Variants in KIF24 observed in about 807,000 individuals in gnomAD.
The protein encoded by KIF24 is kinesin family member 24, also known as kinesin-like protein KIF24.
KIF24 carries 81 observed loss-of-function variants against 118.9 expected under a neutral mutation model. The ratio of observed to expected loss-of-function variants is 0.68; its 90% CI spans 0.57 to 0.82. The LOEUF (loss-of-function observed/expected upper bound fraction) is 0.82, where lower values mean the gene tolerates loss of function less well. Among genes scored for constraint, KIF24 ranks in the 40% least tolerant of loss-of-function variants. KIF24 has a pLI of 0.00. For synonymous variants in KIF24, 599 were observed against 610.0 expected, an observed-to-expected ratio of 0.98 and a Z score of 0.27; for missense variants, 1,560 against 1,661.6, an observed-to-expected ratio of 0.94 and a Z score of 1.06.
chr9:34,255,251 C>T, intron 11 of KIF24, 86 bp from the exon 12 acceptor site: 2 of 828,488 alleles, frequency 2.4e-6, no homozygotes, highest in Non-Finnish European at 2.0e-6. Flanking sequence ...CATTTGTAAG[C>T]TGAGAGCTGC....
At chr9:34,266,861 C>A (rs1370414276) in intron 8 of KIF24, among the ~76,000 whole-genome samples, 3 of 151,934 alleles carry the variant, frequency 2.0e-5, no homozygotes, top group African/African-American at 7.3e-5. Context: ...GACACAGGAA[C>A]ATTCTTGAAA....
rs981250440 is a variant in KIF24, at chr9:34,299,817, T to C, written c.814-2703A>G. On this transcript the variant is annotated intron_variant, in intron 3 of 12. Coordinates refer to ENST00000402558, the MANE Select transcript of KIF24 (RefSeq NM_194313.4). ...TGGGCTACCAAGATGTGTGTGTGTGTGTGTGCGTGTGTGTGTGTGTGTGTG... is the reference window on the plus strand; with the variant it reads ...TGGGCTACCAAGATGTGTGTGTGTGCGTGTGCGTGTGTGTGTGTGTGTGTG... Among the ~76,000 whole-genome samples the C allele has an allele frequency of 3.5e-3, 248 of 71,212 alleles. 1 individual carries two copies. Among genetic ancestry groups the C allele is most frequent in the African/African-American group, 8.0e-3 (230 of 28,720 alleles). 46.7% of individuals were successfully genotyped at this position (71,212 alleles called of 152,430 possible).
At chr9:34,321,036 T>C (rs1045420826) in intron 1 of KIF24, among the ~76,000 whole-genome samples, 6 of 152,226 alleles carry the variant, frequency 3.9e-5, no homozygotes, top group Non-Finnish European at 5.9e-5. Flanking sequence ...ATTATTGACA[T>C]GTCACTAGAT....
intron 7 of KIF24, among the ~76,000 whole-genome samples, chr9:34,271,383 T>C (rs7868756): frequency 0.23 from 33,669 of 145,394 alleles, 4,392 homozygotes; most frequent in East Asian, 0.6. Context: ...AGAGGTGAAA[T>C]AGGCTCATCC....
At position 34,281,908 on chromosome 9, in the gene KIF24, TG is replaced by T. The variant is rs1835863050; in HGVS notation, c.1215+4708del. On this transcript the variant is annotated intron_variant, in intron 6 of 12. Transcript: ENST00000402558. ...GCGATGGCTGCATGTTAGAATCACC[TG>T]GGGAGCTTTTAAAATAATACCCATC... Among the ~76,000 whole-genome samples, 4 of 152,288 alleles carry T rather than the reference TG, an allele frequency of 2.6e-5. 1 individual carries two copies. The South Asian group carries it at 8.3e-4, about 32-fold the overall frequency.
intron 1 of KIF24, among the ~76,000 whole-genome samples, chr9:34,326,968 A>G (rs1837690216): frequency 6.6e-6 from 1 of 152,076 alleles, no homozygotes; most frequent in South Asian, 2.1e-4. Context: ...GCTGACTTGG[A>G]AAAAATGTTT....
At chr9:34,326,975 G>A (rs1168214664) in intron 1 of KIF24, among the ~76,000 whole-genome samples, 3 of 151,934 alleles carry the variant, frequency 2.0e-5, no homozygotes, top group Admixed American at 6.6e-5. Context: ...TGGAAAAAAT[G>A]TTTCCTTTCA....
upstream of KIF24, among the ~76,000 whole-genome samples, chr9:34,330,612 G>A (rs780324756): frequency 3.9e-5 from 6 of 152,204 alleles, no homozygotes; most frequent in Non-Finnish European, 8.8e-5. Flanking sequence ...TGAAGATTAA[G>A]TGAAATAATG....
chr9:34,323,959 C>G lies in KIF24; in HGVS notation c.-26+5147G>C, dbSNP rs554116362. 2.0e-5 allele frequency among the ~76,000 whole-genome samples: 3 copies of G among 152,236 alleles called. No homozygotes were observed. The South Asian group carries it at 6.2e-4, about 32-fold the overall frequency. On this transcript the variant is annotated intron_variant, in intron 1 of 12. Coordinates refer to ENST00000402558, the MANE Select transcript of KIF24 (RefSeq NM_194313.4). Reference sequence around the variant, plus strand: ...ACATAAATTTGTTTTAGAAAGTGATCAGATAGCCATATATTGGCTACATAA... The same window carrying G: ...ACATAAATTTGTTTTAGAAAGTGATGAGATAGCCATATATTGGCTACATAA...
chr9:34,319,261 A>G, intron 1 of KIF24: 1 of 1,226,512 alleles, frequency 8.2e-7, no homozygotes, highest in Non-Finnish European at 1.2e-6. Flanking sequence ...GCTGGTAACC[A>G]AAGAGCAGCT....
Position 34,319,557 on chromosome 9 carries a change from C to T in KIF24, c.-25-8186G>A, listed in dbSNP as rs556947985. The T allele has an allele frequency of 3.6e-6, 4 of 1,115,590 alleles. No homozygotes were observed. The African/African-American group carries it at 4.6e-5, about 13-fold the overall frequency. The allele number at this position is 1,115,590 out of a possible 1,614,324, so 69.1% of individuals were successfully genotyped here. ...CCCCAAGCTGTTCTACTCCGACCAC[C>T]CCTTCATCTTCCTGGTGTGGGACAC... On this transcript the variant is annotated intron_variant, in intron 1 of 12. Coordinates refer to ENST00000402558, the MANE Select transcript of KIF24 (RefSeq NM_194313.4).
intron 4 of KIF24, among the ~76,000 whole-genome samples, chr9:34,294,617 C>G (rs913979578): frequency 6.6e-6 from 1 of 152,074 alleles, no homozygotes; most frequent in Non-Finnish European, 1.5e-5. Flanking sequence ...TATCTGTCAA[C>G]AGGAGAATAG....
rs1834809763 is a variant in KIF24, at chr9:34,255,809, T to TG, written c.3797dup (p.Ser1267LysfsTer38). 6.2e-7 allele frequency: 1 copy of TG among 1,613,936 alleles called. No individual in the cohort carries two copies. Among genetic ancestry groups the TG allele is most frequent in the Admixed American group, 1.7e-5 (1 of 60,014 alleles). ...AGCAGCTGGGAACCAAGGGAGAACT[T>TG]GGCCTTGCTAAGCACCTTGAGATCG... On this transcript the variant is annotated frameshift_variant, in exon 11 of 13. Coordinates refer to ENST00000402558, the MANE Select transcript of KIF24 (RefSeq NM_194313.4). LOFTEE classifies it high-confidence loss of function.
intron 8 of KIF24, among the ~76,000 whole-genome samples, chr9:34,264,164 G>C (rs1326293209): frequency 1.3e-5 from 2 of 151,942 alleles, no homozygotes; most frequent in Non-Finnish European, 2.9e-5. Context: ...GCTCATGCCT[G>C]TAATCCCAGC....
intron 1 of KIF24, among the ~76,000 whole-genome samples, chr9:34,316,548 T>C (rs1340816312): frequency 6.6e-6 from 1 of 152,136 alleles, no homozygotes; most frequent in Non-Finnish European, 1.5e-5. Context: ...CCAACTTCAC[T>C]CTGAACACTT....
intron 6 of KIF24, among the ~76,000 whole-genome samples, chr9:34,280,055 C>T (rs1281688134): frequency 1.3e-5 from 2 of 151,660 alleles, no homozygotes; most frequent in African/African-American, 2.4e-5. Context: ...GAGGCCGAGG[C>T]AGGCGGATCA....
At chr9:34,297,857 C>T (rs1836546276) in intron 3 of KIF24, among the ~76,000 whole-genome samples, 1 of 151,938 alleles carries the variant, frequency 6.6e-6, no homozygotes, top group East Asian at 1.9e-4. Context: ...TATTTATGCT[C>T]AGCTGGTAGC....
intron 6 of KIF24, among the ~76,000 whole-genome samples, chr9:34,283,372 CAAAAATA>C (rs919139077): frequency 7.8e-4 from 117 of 149,554 alleles, no homozygotes; most frequent in African/African-American, 2.6e-3. Flanking sequence ...GACCCTGTCT[CAAAAATA>C]AAAAATAAAA....
intron 10 of KIF24, 110 bp downstream of exon 10, chr9:34,259,484 CAT>C (rs896119231): frequency 1.3e-5 from 10 of 755,854 alleles, no homozygotes; most frequent in Non-Finnish European, 1.8e-5. Flanking sequence ...GTGGGAGAGA[CAT>C]GTGCATGCAC....
Sources: allele counts gnomAD v4.1 joint callset (sites outside exome capture counted in the v4.1 genomes callset), GRCh38; gene constraint gnomAD v4.1.1; transcripts MANE v1.5; gene names NCBI Gene and HGNC (gene_info 2026-07-23, HGNC 2026-07-21).